The following DTNB variants were observed in gnomAD, a reference collection of about 807,000 sequenced individuals.
DTNB encodes DTN-B.
Under a neutral mutation model 90.7 loss-of-function variants are expected in DTNB, and 63 were observed. The observed-to-expected ratio is 0.69, with a 90% CI of 0.57 to 0.86. The LOEUF (loss-of-function observed/expected upper bound fraction) is 0.86, where lower values mean the gene tolerates loss of function less well. DTNB is among the 40% of genes least tolerant of loss of function. The pLI, the probability that DTNB is intolerant of heterozygous loss-of-function variation, is 0.00. For missense variants in DTNB, 744 were observed against 807.1 expected, an observed-to-expected ratio of 0.92 and a Z score of 0.95; for synonymous variants, 277 against 286.7, an observed-to-expected ratio of 0.97 and a Z score of 0.34.
At chr2:25,546,087 G>A (rs879753430) in intron 8 of DTNB, among the ~76,000 whole-genome samples, 4 of 152,254 alleles carry the variant, frequency 2.6e-5, no homozygotes, top group Admixed American at 2.6e-4. Context: ...TTTAACATTG[G>A]GACTTTCATA....
chr2:25,446,279 C>T (rs899857538), intron 12 of DTNB, among the ~76,000 whole-genome samples: 1 of 152,190 alleles, frequency 6.6e-6, no homozygotes, highest in Non-Finnish European at 1.5e-5. Context: ...CTGTGTTGCC[C>T]AGCCTGGAGT....
chr2:25,507,905 T>TGCAG (rs1166752797), intron 9 of DTNB, among the ~76,000 whole-genome samples: 1 of 152,240 alleles, frequency 6.6e-6, no homozygotes, highest in Non-Finnish European at 1.5e-5. Flanking sequence ...ATGCTTTGGC[T>TGCAG]GCAGGGCCTT....
chr2:25,582,625 TG>T (rs1425176495), intron 6 of DTNB, among the ~76,000 whole-genome samples: 1 of 152,010 alleles, frequency 6.6e-6, no homozygotes, highest in Non-Finnish European at 1.5e-5. Context: ...ATGGAACTAC[TG>T]GGGGGCGGGA....
chr2:25,423,906 C>T lies in DTNB; in HGVS notation c.1554+3629G>A, dbSNP rs537108982. ...AACTCCTGACCTCAGGTGATCCACC[C>T]ACCTTGGCCTTCCAAAGTGCTGGGA... On this transcript the variant is annotated intron_variant, in intron 15 of 20. Transcript: ENST00000406818. Among the ~76,000 whole-genome samples, 10 of 152,266 alleles carry T rather than the reference C, an allele frequency of 6.6e-5. No homozygotes were observed. In the East Asian group the frequency reaches 1.9e-3, roughly 29 times the overall value.
chr2:25,664,585 T>C (rs538092318), intron 1 of DTNB, among the ~76,000 whole-genome samples: 2 of 152,286 alleles, frequency 1.3e-5, no homozygotes, highest in Admixed American at 6.5e-5. Flanking sequence ...TGTCAACCTA[T>C]GGGTCAAATA....
chr2:25,640,459 G>A (rs2078014506), intron 2 of DTNB, among the ~76,000 whole-genome samples: 1 of 152,024 alleles, frequency 6.6e-6, no homozygotes, highest in Non-Finnish European at 1.5e-5. Flanking sequence ...AAAAAGTGAA[G>A]GTTTATCTTA....
chr2:25,558,005 G>A (rs2057655102), intron 8 of DTNB, among the ~76,000 whole-genome samples: 1 of 152,180 alleles, frequency 6.6e-6, no homozygotes, highest in South Asian at 2.1e-4. Flanking sequence ...TAGCGTCTGG[G>A]GTGGAGTGAG....
intron 5 of DTNB, among the ~76,000 whole-genome samples, chr2:25,597,950 C>CGCCA (rs895516327): frequency 6.6e-6 from 1 of 152,172 alleles, no homozygotes; most frequent in African/African-American, 2.4e-5. Flanking sequence ...ATGTGCTAGG[C>CGCCA]GCCACTTCAG....
At chr2:25,578,830 T>A (rs1388863981) in intron 7 of DTNB, among the ~76,000 whole-genome samples, 1 of 152,122 alleles carries the variant, frequency 6.6e-6, no homozygotes, top group Non-Finnish European at 1.5e-5. Context: ...TGCATAGTAA[T>A]GTCAATATAA....
At chr2:25,598,496 C>A (rs902881589) in intron 5 of DTNB, among the ~76,000 whole-genome samples, 2 of 152,182 alleles carry the variant, frequency 1.3e-5, no homozygotes, top group Admixed American at 6.5e-5. Context: ...TCTACTATTA[C>A]AGCTTAGAAA....
At chr2:25,491,644 C>G (rs2067515564) in intron 9 of DTNB, among the ~76,000 whole-genome samples, 1 of 152,042 alleles carries the variant, frequency 6.6e-6, no homozygotes, top group Non-Finnish European at 1.5e-5. Context: ...CTCTTTTTCC[C>G]CTTCACTGGG....
intron 12 of DTNB, among the ~76,000 whole-genome samples, chr2:25,447,499 C>CCTT (rs2058595339): frequency 1.7e-5 from 2 of 116,026 alleles, no homozygotes; most frequent in African/African-American, 6.5e-5. Flanking sequence ...AGCTAGTTAT[C>CCTT]TTTTTTTTTT....
At chr2:25,491,669 C>A (rs2067529321) in intron 9 of DTNB, among the ~76,000 whole-genome samples, 1 of 151,744 alleles carries the variant, frequency 6.6e-6, no homozygotes, top group East Asian at 1.9e-4. Flanking sequence ...GTGGTATATT[C>A]TTTTCTACTT....
At position 25,444,316 on chromosome 2, in the gene DTNB, G is replaced by A. The variant is rs1305830953; in HGVS notation, c.1257+7232C>T. On this transcript the variant is annotated intron_variant, in intron 12 of 20. Transcript: ENST00000406818. Reference sequence around the variant, plus strand: ...GGCTGAGGCAGGTGGATCACCTGACGTCAGGAGTTCAAGACCAGCCTGGCC... The same window carrying A: ...GGCTGAGGCAGGTGGATCACCTGACATCAGGAGTTCAAGACCAGCCTGGCC... 2.6e-5 allele frequency among the ~76,000 whole-genome samples: 4 copies of A among 152,018 alleles called. No homozygotes were observed. The East Asian group carries it at 5.8e-4, about 22-fold the overall frequency.
At position 25,503,737 on chromosome 2, in the gene DTNB, A is replaced by T. The variant is rs145992008; in HGVS notation, c.1002-20864T>A. On this transcript the variant is annotated intron_variant, in intron 9 of 20. Coordinates refer to ENST00000406818, the MANE Select transcript of DTNB (RefSeq NM_021907.5). Reference sequence around the variant, plus strand: ...AGACCATCCTGGCTAACACGGTGAAACCCCATCTCTACTAAAAACAATACA... The same window carrying T: ...AGACCATCCTGGCTAACACGGTGAATCCCCATCTCTACTAAAAACAATACA... Among the ~76,000 whole-genome samples the T allele has an allele frequency of 8.0e-3, 1,214 of 151,608 alleles. 14 individuals are homozygous for T. The highest frequency in any genetic ancestry group is 0.028 in the African/African-American group (1,156 of 41,274).
chr2:25,455,469 TG>T lies in DTNB; in HGVS notation c.1104del (p.Ser369ValfsTer9), dbSNP rs1558598727. 6.2e-7 allele frequency: 1 copy of T among 1,607,514 alleles called. No individual in the cohort carries two copies. On this transcript the variant is annotated frameshift_variant, in exon 11 of 21. Coordinates refer to ENST00000406818, the MANE Select transcript of DTNB (RefSeq NM_021907.5). LOFTEE classifies it high-confidence loss of function. ...TKRLQYSQDI[P>X]SHLADEHALI... ...AGCGCATGCTCATCGGCCAAGTGAC[TG>T]GGTATATCCTGGCTATACTGTAACC... is the stretch of plus-strand genomic sequence containing the variant.
rs981229313 is a variant in DTNB, at chr2:25,571,220, C to T, written c.876+5618G>A. Among the ~76,000 whole-genome samples the T allele has an allele frequency of 3.3e-5, 5 of 152,292 alleles. No individual in the cohort carries two copies. In the East Asian group the frequency reaches 5.8e-4, roughly 18 times the overall value. ...CCTTTTTACAACCTTTACTACTGTC[C>T]GACCATATCTTGTTTTAATTATCAT... is the stretch of plus-strand genomic sequence containing the variant. On this transcript the variant is annotated intron_variant, in intron 8 of 20. Transcript: ENST00000406818.
intron 9 of DTNB, among the ~76,000 whole-genome samples, chr2:25,523,414 C>CTA (rs2076498752): frequency 6.6e-6 from 1 of 152,124 alleles, no homozygotes; most frequent in African/African-American, 2.4e-5. Flanking sequence ...CCAAGGCAGG[C>CTA]AGATTGCTTG....
chr2:25,545,290 T>C (rs919780213), intron 8 of DTNB, among the ~76,000 whole-genome samples: 1 of 152,232 alleles, frequency 6.6e-6, no homozygotes, highest in Non-Finnish European at 1.5e-5. Context: ...GAATGTGCCA[T>C]TTCTAAAGTT....
Sources: allele counts gnomAD v4.1 joint callset (sites outside exome capture counted in the v4.1 genomes callset), GRCh38; gene constraint gnomAD v4.1.1; transcripts MANE v1.5; gene names NCBI Gene and HGNC (gene_info 2026-07-23, HGNC 2026-07-21).